Variants in SPOCK3 observed in about 807,000 individuals in gnomAD.
SPOCK3 encodes testican-3.
In SPOCK3, 30 loss-of-function variants were observed where a neutral mutation model predicts 56.6. That is an observed-to-expected ratio of 0.53 (90% CI 0.40 to 0.72). SPOCK3 has a LOEUF of 0.72. Ranked by LOEUF, SPOCK3 falls within the 30% of genes least tolerant of loss-of-function variation. The pLI is 0.00. For missense variants in SPOCK3, 527 were observed against 530.0 expected, an observed-to-expected ratio of 0.99 and a Z score of 0.06; for synonymous variants, 196 against 183.3, an observed-to-expected ratio of 1.07 and a Z score of -0.56.
intron 2 of SPOCK3, among the ~76,000 whole-genome samples, chr4:167,199,228 TG>T (rs562561719): frequency 0.014 from 1,374 of 98,296 alleles, 15 homozygotes; most frequent in Non-Finnish European, 0.017. Flanking sequence ...TATTTGTTTG[TG>T]TGTGTGTGTG....
chr4:167,113,643 G>C (rs1761094814), intron 2 of SPOCK3, among the ~76,000 whole-genome samples: 1 of 151,992 alleles, frequency 6.6e-6, no homozygotes, highest in Non-Finnish European at 1.5e-5. Context: ...ACCAAAGGCA[G>C]GATACATGCC....
intron 5 of SPOCK3, among the ~76,000 whole-genome samples, chr4:166,899,452 A>G (rs1227575359): frequency 3.3e-5 from 5 of 150,990 alleles, no homozygotes; most frequent in African/African-American, 1.2e-4. Flanking sequence ...CTGTCAGAAG[A>G]GATGGCTGAT....
chr4:166,854,995 C>T (rs916760200), intron 6 of SPOCK3, among the ~76,000 whole-genome samples: 15 of 152,172 alleles, frequency 9.9e-5, no homozygotes, highest in Non-Finnish European at 5.9e-5. Context: ...GCCCCACTGC[C>T]TGTCTCAAAG....
At chr4:166,912,109 G>A (rs1005311250) in intron 5 of SPOCK3, among the ~76,000 whole-genome samples, 2 of 152,104 alleles carry the variant, frequency 1.3e-5, no homozygotes, top group East Asian at 1.9e-4. Context: ...AGAAGAGAGA[G>A]CAAAGGCATT....
chr4:167,182,220 GC>G (rs1344866766), intron 2 of SPOCK3, among the ~76,000 whole-genome samples: 1 of 151,898 alleles, frequency 6.6e-6, no homozygotes, highest in African/African-American at 2.4e-5. Context: ...TTTAAATAAT[GC>G]TTAGTTTTCT....
intron 4 of SPOCK3, among the ~76,000 whole-genome samples, chr4:166,978,043 G>A (rs1025618458): frequency 2.0e-5 from 3 of 152,060 alleles, no homozygotes; most frequent in African/African-American, 7.2e-5. Context: ...CTATTACAGA[G>A]GAAGCAGATA....
chr4:167,046,448 TTC>T (rs1233241891), intron 3 of SPOCK3, among the ~76,000 whole-genome samples: 1 of 138,594 alleles, frequency 7.2e-6, no homozygotes, highest in African/African-American at 2.8e-5. Context: ...CTTTCTGATA[TTC>T]TTTTTTTTTT....
At chr4:166,989,299 T>C (rs113451167) in intron 4 of SPOCK3, among the ~76,000 whole-genome samples, 3 of 152,068 alleles carry the variant, frequency 2.0e-5, no homozygotes, top group African/African-American at 7.2e-5. Flanking sequence ...TGGCTGTCTT[T>C]ATATCACTAC....
At chr4:167,099,253 TTAG>T (rs1407002874) in intron 2 of SPOCK3, among the ~76,000 whole-genome samples, 1 of 151,964 alleles carries the variant, frequency 6.6e-6, no homozygotes, top group African/African-American at 2.4e-5. Flanking sequence ...TCTTCATTTT[TTAG>T]TAGTTTTATG....
At chr4:167,178,482 T>C (rs1731171955) in intron 2 of SPOCK3, among the ~76,000 whole-genome samples, 1 of 152,104 alleles carries the variant, frequency 6.6e-6, no homozygotes, top group South Asian at 2.1e-4. Flanking sequence ...GTCACCAAAC[T>C]TCCCCATTTG....
chr4:167,195,292 T>C (rs1006572327), intron 2 of SPOCK3, among the ~76,000 whole-genome samples: 1 of 152,196 alleles, frequency 6.6e-6, no homozygotes, highest in African/African-American at 2.4e-5. Flanking sequence ...TTGTCCCATT[T>C]TCAGACCATG....
At chr4:167,024,566 T>C (rs1054347718) in intron 3 of SPOCK3, among the ~76,000 whole-genome samples, 2 of 152,078 alleles carry the variant, frequency 1.3e-5, no homozygotes, top group Non-Finnish European at 2.9e-5. Context: ...GTAAACAAAC[T>C]ATATCAACTA....
intron 2 of SPOCK3, among the ~76,000 whole-genome samples, chr4:167,165,559 A>G (rs550095124): frequency 1.3e-5 from 2 of 152,264 alleles, no homozygotes; most frequent in East Asian, 3.9e-4. Context: ...AGGATCACCA[A>G]TTCTAAACAA....
chr4:166,857,112 G>T (rs1730768509), intron 6 of SPOCK3, among the ~76,000 whole-genome samples: 1 of 152,110 alleles, frequency 6.6e-6, no homozygotes, highest in South Asian at 2.1e-4. Flanking sequence ...ACTCTACAAT[G>T]GGTAAATGAT....
rs985968826 is a variant in SPOCK3 at position 166,955,474 on chromosome 4, T to G, written c.351-42731A>C. The stretch of plus-strand genomic sequence containing the variant: ...AAATTATAATATAAATATTATATTA[T>G]ATTTAATTATATTATATTATTAAAT... On this transcript the variant is annotated intron_variant, in intron 4 of 10. Transcript: ENST00000357545. Among the ~76,000 whole-genome samples the G allele has an allele frequency of 2.7e-5, 4 of 146,470 alleles. No homozygotes were observed. In the South Asian group the frequency reaches 8.3e-4, roughly 31 times the overall value.
intron 2 of SPOCK3, among the ~76,000 whole-genome samples, chr4:167,114,073 A>T (rs978004321): frequency 1.3e-5 from 2 of 152,142 alleles, no homozygotes; most frequent in African/African-American, 4.8e-5. Context: ...AAGAGATTAA[A>T]AAGTCACAGG....
At chr4:167,104,902 T>G (rs1759963769) in intron 2 of SPOCK3, among the ~76,000 whole-genome samples, 1 of 149,718 alleles carries the variant, frequency 6.7e-6, no homozygotes, top group Non-Finnish European at 1.5e-5. Flanking sequence ...GACTTTTCAC[T>G]GGAAACCCTA....
intron 4 of SPOCK3, among the ~76,000 whole-genome samples, chr4:166,941,980 T>G (rs1360575756): frequency 1.3e-5 from 2 of 152,164 alleles, no homozygotes; most frequent in Non-Finnish European, 1.5e-5. Flanking sequence ...GAAACTGAGA[T>G]GAGTATTTGC....
chr4:166,769,467 G>T (rs989162190), intron 7 of SPOCK3, among the ~76,000 whole-genome samples: 3 of 152,188 alleles, frequency 2.0e-5, no homozygotes, highest in African/African-American at 7.2e-5. Context: ...GACCCTGTTT[G>T]CCTGGGTATC....
Sources: gnomAD v4.1 joint callset for allele counts (sites outside exome capture counted in the v4.1 genomes callset) on GRCh38, gnomAD v4.1.1 for gene constraint, MANE v1.5 for transcripts, NCBI Gene and HGNC (gene_info 2026-07-23, HGNC 2026-07-21) for gene names.